The following SDK1 variants were observed in gnomAD, a reference collection of about 807,000 sequenced individuals.
SDK1 encodes protein sidekick-1.
A neutral mutation model predicts 245.5 loss-of-function variants in SDK1; 157 were observed. That is an observed-to-expected ratio of 0.64 (90% CI 0.56 to 0.73). The LOEUF is 0.73. SDK1 is among the 30% of genes least tolerant of loss of function. The probability of loss-of-function intolerance (pLI) is 0.00; values close to 1 mark genes in which losing one functional copy is unlikely to be tolerated. For missense variants in SDK1, 3,583 were observed against 3,002.3 expected (o/e 1.19, Z -4.52); for synonymous variants, 1,647 against 1,278.5 (o/e 1.29, Z -6.15).
intron 1 of SDK1, among the ~76,000 whole-genome samples, chr7:3,612,784 C>G (rs545170209): frequency 1.3e-5 from 2 of 152,234 alleles, no homozygotes; most frequent in African/African-American, 2.4e-5. Context: ...TTACTCCATT[C>G]ACACTGGCAT....
rs17133639 is a variant in SDK1 at position 3,688,168 on chromosome 7, T to A, written c.713+46063T>A. On this transcript the variant is annotated intron_variant, in intron 4 of 44. Transcript: ENST00000404826. ...CTGGGTGCTATAAAGACAAAGTTAA[T>A]TGTATCATTACTATTTCAAAACAAC... is the stretch of plus-strand genomic sequence containing the variant. Among the ~76,000 whole-genome samples the A allele has an allele frequency of 2.0e-3, 302 of 152,362 alleles. 1 individual carries two copies. The highest frequency in any genetic ancestry group is 6.9e-3 in the African/African-American group (285 of 41,584).
chr7:4,198,375 T>C (rs1783701651), intron 35 of SDK1, among the ~76,000 whole-genome samples: 1 of 152,164 alleles, frequency 6.6e-6, no homozygotes, highest in African/African-American at 2.4e-5. Flanking sequence ...CTGGGCCAGG[T>C]GCCTTGAATT....
At chr7:3,458,556 T>C (rs940538857) in intron 1 of SDK1, among the ~76,000 whole-genome samples, 1 of 152,010 alleles carries the variant, frequency 6.6e-6, no homozygotes, top group Non-Finnish European at 1.5e-5. Flanking sequence ...TTTTTGTACC[T>C]TTTCTAAGGT....
At chr7:4,106,918 C>T (rs1219617815) in intron 22 of SDK1, among the ~76,000 whole-genome samples, 1 of 151,762 alleles carries the variant, frequency 6.6e-6, no homozygotes, top group Non-Finnish European at 1.5e-5. Flanking sequence ...TGAGGGAGCC[C>T]ACAGGGTCAG....
chr7:3,540,781 A>T (rs1282003045), intron 1 of SDK1, among the ~76,000 whole-genome samples: 2 of 152,200 alleles, frequency 1.3e-5, no homozygotes, highest in African/African-American at 4.8e-5. Context: ...GATCATATAA[A>T]TTTTTATGTT....
chr7:4,126,596 C>T (rs1784401724), intron 25 of SDK1, among the ~76,000 whole-genome samples: 1 of 152,220 alleles, frequency 6.6e-6, no homozygotes, highest in South Asian at 2.1e-4. Context: ...TGGCACATGC[C>T]TGTAATCCCA....
intron 5 of SDK1, among the ~76,000 whole-genome samples, chr7:3,848,816 C>T (rs1031341330): frequency 6.6e-5 from 10 of 152,070 alleles, no homozygotes; most frequent in Non-Finnish European, 1.0e-4. Flanking sequence ...GGATTACAGG[C>T]GTGCGTCACC....
chr7:4,235,623 G>A (rs1335181903), intron 41 of SDK1, among the ~76,000 whole-genome samples: 1 of 152,224 alleles, frequency 6.6e-6, no homozygotes, highest in East Asian at 1.9e-4. Context: ...TACTGCCTGA[G>A]TTTTATCTGT....
rs77252483 is a variant in SDK1, at chr7:3,592,610, T to C, written c.299-26470T>C. ...CTGGATTTTACCCTCTGTTTACTTA[T>C]GTTGGTGTTCTGTTTCCTTTCCTAA... On this transcript the variant is annotated intron_variant, in intron 1 of 44. Coordinates refer to ENST00000404826, the MANE Select transcript of SDK1 (RefSeq NM_152744.4). Among the ~76,000 whole-genome samples the C allele has an allele frequency of 8.3e-3, 1,271 of 152,310 alleles. 20 individuals are homozygous for C. Among genetic ancestry groups the C allele is most frequent in the African/African-American group, 0.03 (1,226 of 41,556 alleles).
intron 1 of SDK1, among the ~76,000 whole-genome samples, chr7:3,517,706 C>A (rs1001435369): frequency 6.6e-6 from 1 of 152,124 alleles, no homozygotes; most frequent in Non-Finnish European, 1.5e-5. Context: ...TTCAGCTGTT[C>A]TGTGTTGTAT....
intron 25 of SDK1, among the ~76,000 whole-genome samples, chr7:4,124,317 G>C (rs1341211140): frequency 6.6e-6 from 1 of 152,162 alleles, no homozygotes; most frequent in Non-Finnish European, 1.5e-5. Context: ...TGTTGGCAGG[G>C]CCATGATCCC....
intron 4 of SDK1, among the ~76,000 whole-genome samples, chr7:3,802,495 G>T (rs543354183): frequency 4.6e-5 from 7 of 151,622 alleles, no homozygotes; most frequent in African/African-American, 7.3e-5. Flanking sequence ...TGATCATGCC[G>T]TTGCACTCCA....
chr7:3,473,747 C>T (rs565671703), intron 1 of SDK1, among the ~76,000 whole-genome samples: 4 of 152,118 alleles, frequency 2.6e-5, no homozygotes, highest in Non-Finnish European at 5.9e-5. Flanking sequence ...CTACACAGAG[C>T]CCTGGCTCCC....
At chr7:3,910,863 G>A (rs1011181705) in intron 5 of SDK1, among the ~76,000 whole-genome samples, 18 of 152,130 alleles carry the variant, frequency 1.2e-4, no homozygotes, top group African/African-American at 3.1e-4. Context: ...CCGGATAATC[G>A]GCATTCTGTT....
chr7:4,265,858 G>C lies in SDK1; in HGVS notation c.*474G>C. On this transcript the variant is annotated 3_prime_UTR_variant, in exon 45 of 45. Transcript: ENST00000404826. ...CTTCTCAACGCAGGACATCCTCGGCGGCTCCTGGGGTTTGAAGAGCAAACG... is the reference window on the plus strand; with the variant it reads ...CTTCTCAACGCAGGACATCCTCGGCCGCTCCTGGGGTTTGAAGAGCAAACG... 1.0e-6 allele frequency: 1 copy of C among 989,106 alleles called. No individual in the cohort carries two copies. 61.3% of individuals were successfully genotyped at this position (989,106 alleles called of 1,614,324 possible).
chr7:3,596,325 A>T (rs75227664), intron 1 of SDK1, among the ~76,000 whole-genome samples: 4,969 of 152,288 alleles, frequency 0.033, 253 homozygotes, highest in African/African-American at 0.11. Flanking sequence ...CAAGAGAGTA[A>T]GTCTGACAGT....
At chr7:3,748,247 T>A (rs1221571324) in intron 4 of SDK1, among the ~76,000 whole-genome samples, 1 of 152,218 alleles carries the variant, frequency 6.6e-6, no homozygotes, top group Non-Finnish European at 1.5e-5. Context: ...AAATTGTTTT[T>A]ACGGTGATTT....
intron 1 of SDK1, among the ~76,000 whole-genome samples, chr7:3,606,923 T>C (rs1781442910): frequency 6.6e-6 from 1 of 152,200 alleles, no homozygotes; most frequent in South Asian, 2.1e-4. Flanking sequence ...AAAAAAGTGT[T>C]ATGTACAAAC....
Position 3,731,504 on chromosome 7 carries a change from C to G in SDK1, c.713+89399C>G, listed in dbSNP as rs190068811. Reference sequence around the variant, plus strand: ...GCCAGATGACGTTTCTTCTGCTATTCTTTCATGTTTAGTAGTGTCGCTTTG... The same window carrying G: ...GCCAGATGACGTTTCTTCTGCTATTGTTTCATGTTTAGTAGTGTCGCTTTG... On this transcript the variant is annotated intron_variant, in intron 4 of 44. Coordinates refer to ENST00000404826, the MANE Select transcript of SDK1 (RefSeq NM_152744.4). Among the ~76,000 whole-genome samples, 47 of 152,248 alleles carry G rather than the reference C, an allele frequency of 3.1e-4. 1 individual carries two copies. The highest frequency in any genetic ancestry group is 1.1e-3 in the African/African-American group (44 of 41,560).
Sources: allele counts gnomAD v4.1 joint callset (sites outside exome capture counted in the v4.1 genomes callset), GRCh38; gene constraint gnomAD v4.1.1; transcripts MANE v1.5; gene names NCBI Gene and HGNC (gene_info 2026-07-23, HGNC 2026-07-21).